Variants in TNKS observed in about 807,000 individuals in gnomAD.
The protein encoded by TNKS is tankyrase.
A neutral mutation model predicts 135.8 loss-of-function variants in TNKS; 72 were observed. The ratio of observed to expected loss-of-function variants is 0.53; its 90% CI spans 0.44 to 0.64. The LOEUF (loss-of-function observed/expected upper bound fraction) is 0.64. Among genes scored for constraint, TNKS ranks in the 30% least tolerant of loss-of-function variants. The probability of loss-of-function intolerance (pLI) is 0.00; values close to 1 mark genes in which losing one functional copy is unlikely to be tolerated. For missense variants in TNKS, 1,769 were observed against 1,674.0 expected (o/e 1.06, Z -0.99); for synonymous variants, 849 against 649.3 (o/e 1.31, Z -4.68).
chr8:9,645,652 C>G (rs979897921), intron 3 of TNKS, among the ~76,000 whole-genome samples: 15 of 152,110 alleles, frequency 9.9e-5, no homozygotes, highest in African/African-American at 3.4e-4. Flanking sequence ...GCATCATGGT[C>G]TAAATGTATT....
chr8:9,735,152 A>T lies in TNKS; in HGVS notation c.2533+68A>T, dbSNP rs893829733. On this transcript the variant is annotated intron_variant, in intron 16 of 26. Transcript: ENST00000310430. The stretch of plus-strand genomic sequence containing the variant: ...GACACCTAATACAGTTTACTAAAAG[A>T]CGAAAGCCATGCTGAACACAAATGG... 12 of 1,480,520 alleles carry T rather than the reference A, an allele frequency of 8.1e-6. No individual in the cohort carries two copies. In the African/African-American group the frequency reaches 1.7e-4, roughly 21 times the overall value. 91.7% of individuals were successfully genotyped at this position (1,480,520 alleles called of 1,614,324 possible). A position where few individuals can be genotyped will look rare whatever the true frequency, so the allele number is the denominator to read the frequency against.
At chr8:9,704,133 A>C (rs1271538479) in intron 5 of TNKS, among the ~76,000 whole-genome samples, 1 of 152,214 alleles carries the variant, frequency 6.6e-6, no homozygotes, top group African/African-American at 2.4e-5. Context: ...GTACAGAATG[A>C]ATAAGGCCCA....
At chr8:9,765,618 GA>G (rs1807393749) in intron 23 of TNKS, 73 bp from the exon 24 acceptor site, 1 of 1,315,766 alleles carries the variant, frequency 7.6e-7, no homozygotes, top group East Asian at 2.3e-5. Flanking sequence ...TTCCTAAAAG[GA>G]AAACATACTT....
At position 9,556,483 on chromosome 8, in the gene TNKS, G is replaced by A. The variant is rs374560573; in HGVS notation, c.544G>A (p.Ala182Thr). 1.2e-6 allele frequency: 2 copies of A among 1,614,048 alleles called. No individual in the cohort carries two copies. Among genetic ancestry groups the A allele is most frequent in the African/African-American group, 1.3e-5 (1 of 74,924 alleles). ...GACAGGGGTCCCAGCAGTGAGCGGG[G>A]CCCTACGGGAACTGCTGGAGGCCTG... ...PGTGVPAVSG[A>T]LRELLEACRN... The change falls in exon 1 of 27, where the codon GCC (alanine) becomes ACC (threonine). Residue 182 changes from alanine to threonine, a missense_variant. Around this residue, in one of 5 missense-constraint regions of TNKS, gnomAD observed 450 missense variants for 304.9 expected, o/e 1.48. Transcript: ENST00000310430.
chr8:9,765,726 G>A lies in TNKS; in HGVS notation c.3482G>A (p.Arg1161Gln), dbSNP rs1404923078. 7 of 1,613,738 alleles carry A rather than the reference G, an allele frequency of 4.3e-6. No individual in the cohort carries two copies. Among genetic ancestry groups the A allele is most frequent in the African/African-American group, 1.3e-5 (1 of 74,892 alleles). ...GTTGTCAACAAGAAGTTGAGGGAGC[G>A]GTTCTGCCACCGACAGAAGGAAGTG... ...QKVVNKKLRE[R>Q]FCHRQKEVSE... is the part of the protein sequence containing the mutation. The change falls in exon 24 of 27, where the codon CGG (arginine) becomes CAG (glutamine). Residue 1161 changes from arginine to glutamine, a missense_variant. Physicochemically the swap from Arg to Gln is conservative, Grantham distance 43. Around this residue, in one of 5 missense-constraint regions of TNKS, gnomAD observed 722 missense variants for 688.9 expected, o/e 1.05. Transcript: ENST00000310430.
intron 5 of TNKS, among the ~76,000 whole-genome samples, chr8:9,693,019 C>T (rs1803350063): frequency 6.6e-6 from 1 of 152,180 alleles, no homozygotes. Flanking sequence ...AATCATGTCT[C>T]TGTGCCTGAT....
At chr8:9,706,144 T>C (rs1184837472) in intron 6 of TNKS, 43 bp from the exon 7 acceptor site, 1 of 1,424,914 alleles carries the variant, frequency 7.0e-7, no homozygotes, top group African/African-American at 1.5e-5. Flanking sequence ...GATAAATAAG[T>C]TGTTTGAAAT....
chr8:9,677,445 G>T (rs1802592801), intron 3 of TNKS, among the ~76,000 whole-genome samples: 1 of 152,130 alleles, frequency 6.6e-6, no homozygotes. Flanking sequence ...TAAATACTTT[G>T]CGGTTTTATT....
chr8:9,580,309 C>T lies in TNKS; in HGVS notation c.824C>T (p.Pro275Leu). 6.2e-7 allele frequency: 1 copy of T among 1,614,134 alleles called. No individual in the cohort carries two copies. The highest frequency in any genetic ancestry group is 8.5e-7 in the Non-Finnish European group (1 of 1,180,016). Reference sequence around the variant, plus strand: ...CTGTTATTGTGCCAAGGAGCTGATCCAAATGCCAGGGATAACTGGAACTAT... The same window carrying T: ...CTGTTATTGTGCCAAGGAGCTGATCTAAATGCCAGGGATAACTGGAACTAT... The part of the protein sequence containing the change: ...VSLLLCQGAD[P>L]NARDNWNYTP... Residue 275 changes from proline (P) to leucine (L), a missense_variant, in exon 2 of 27, where the codon CCA becomes CTA. This residue lies in a region of TNKS where 523 missense variants were observed against 541.0 expected (regional missense o/e 0.97). Transcript: ENST00000310430.
Position 9,570,342 on chromosome 8 carries a change from G to C in TNKS, c.674-9817G>C, listed in dbSNP as rs190766898. 9.5e-4 allele frequency among the ~76,000 whole-genome samples: 144 copies of C among 152,286 alleles called. 2 individuals carry two copies. The East Asian group carries it at 0.021, about 22-fold the overall frequency. Reference sequence around the variant, plus strand: ...TGTATTGACTGTAATGGGGATAGCAGCAGGTTCAAGAGGCCAAAAAAGATC... The same window carrying C: ...TGTATTGACTGTAATGGGGATAGCACCAGGTTCAAGAGGCCAAAAAAGATC... On this transcript the variant is annotated intron_variant, in intron 1 of 26. Coordinates refer to ENST00000310430, the MANE Select transcript of TNKS (RefSeq NM_003747.3).
chr8:9,698,207 A>G (rs894463410), intron 5 of TNKS, among the ~76,000 whole-genome samples: 3 of 152,076 alleles, frequency 2.0e-5, no homozygotes, highest in Admixed American at 6.6e-5. Context: ...CATTGAGCAC[A>G]CGTGGACATA....
chr8:9,585,438 G>A (rs1015299454), intron 2 of TNKS, among the ~76,000 whole-genome samples: 2 of 152,110 alleles, frequency 1.3e-5, no homozygotes, highest in African/African-American at 4.8e-5. Context: ...GATTGAAAAG[G>A]CTCAGGGAGC....
At chr8:9,585,979 G>T (rs546038982) in intron 2 of TNKS, among the ~76,000 whole-genome samples, 1 of 152,184 alleles carries the variant, frequency 6.6e-6, no homozygotes, top group East Asian at 1.9e-4. Flanking sequence ...GGGAATGAGG[G>T]TAATAGCTGT....
intron 3 of TNKS, among the ~76,000 whole-genome samples, chr8:9,679,375 C>T (rs1420865937): frequency 6.6e-6 from 1 of 152,100 alleles, no homozygotes; most frequent in African/African-American, 2.4e-5. Flanking sequence ...GTACGTAGTT[C>T]ACGTATTTCT....
intron 1 of TNKS, 38 bp downstream of exon 1, chr8:9,556,650 T>C (rs1192054405): frequency 6.2e-7 from 1 of 1,609,186 alleles, no homozygotes; most frequent in Non-Finnish European, 8.5e-7. Flanking sequence ...GGGTTATGGG[T>C]TTGGGTGCAG....
intron 16 of TNKS, 143 bp from the exon 17 acceptor site, chr8:9,735,234 A>G (rs1398331386): frequency 9.4e-7 from 1 of 1,069,086 alleles, no homozygotes; most frequent in African/African-American, 1.6e-5. Context: ...CTTATTGTGA[A>G]GTCCCTCCAT....
At chr8:9,633,243 C>T (rs933021952) in intron 3 of TNKS, among the ~76,000 whole-genome samples, 1 of 152,036 alleles carries the variant, frequency 6.6e-6, no homozygotes, top group East Asian at 1.9e-4. Flanking sequence ...TCTAAGTTTA[C>T]GATTTTCAAC....
chr8:9,619,121 A>G (rs1024457356), intron 3 of TNKS, among the ~76,000 whole-genome samples: 9 of 152,168 alleles, frequency 5.9e-5, no homozygotes, highest in African/African-American at 2.2e-4. Flanking sequence ...GCTTCATCAC[A>G]TTCAGTCTTA....
At chr8:9,560,639 G>C (rs1797289507) in intron 1 of TNKS, among the ~76,000 whole-genome samples, 1 of 151,028 alleles carries the variant, frequency 6.6e-6, no homozygotes, top group African/African-American at 2.4e-5. Context: ...GTCTTGGAGT[G>C]GGAATTATCT....
Sources: gnomAD v4.1 joint callset for allele counts (sites outside exome capture counted in the v4.1 genomes callset) on GRCh38, gnomAD v4.1.1 for gene constraint, gnomAD v4.1.1 regional missense constraint, MANE v1.5 for transcripts, NCBI Gene and HGNC (gene_info 2026-07-23, HGNC 2026-07-21) for gene names.